The following CNTNAP2 variants were observed in gnomAD, a reference collection of about 807,000 sequenced individuals.
CNTNAP2 encodes the protein contactin-associated protein-like 2.
CNTNAP2 carries 98 observed loss-of-function variants against 155.2 expected under a neutral mutation model. That is an observed-to-expected ratio of 0.63 (90% CI 0.54 to 0.75). The LOEUF (loss-of-function observed/expected upper bound fraction) is 0.75. CNTNAP2 is among the 30% of genes least tolerant of loss of function. The pLI, the probability that CNTNAP2 is intolerant of heterozygous loss-of-function variation, is 0.00. For missense variants in CNTNAP2, 1,727 were observed against 1,688.1 expected (o/e 1.02, Z -0.40); for synonymous variants, 651 against 631.2 (o/e 1.03, Z -0.47).
chr7:147,950,585 A>C (rs1047724386), intron 14 of CNTNAP2, among the ~76,000 whole-genome samples: 6 of 152,170 alleles, frequency 3.9e-5, no homozygotes, highest in African/African-American at 1.4e-4. Flanking sequence ...TGGAAGCTGC[A>C]CAAACACAAA....
chr7:146,765,238 C>T (rs1048999921), intron 1 of CNTNAP2, among the ~76,000 whole-genome samples: 1 of 152,122 alleles, frequency 6.6e-6, no homozygotes, highest in Non-Finnish European at 1.5e-5. Context: ...GTTAGACAAA[C>T]CCTCTATATA....
At chr7:147,438,464 G>A (rs574322296) in intron 10 of CNTNAP2, among the ~76,000 whole-genome samples, 2 of 151,546 alleles carry the variant, frequency 1.3e-5, no homozygotes, top group South Asian at 4.2e-4. Flanking sequence ...ATCCCCCTTA[G>A]TCATGGTGAA....
intron 8 of CNTNAP2, among the ~76,000 whole-genome samples, chr7:147,144,207 T>A (rs1801654974): frequency 6.6e-6 from 1 of 152,162 alleles, no homozygotes; most frequent in African/African-American, 2.4e-5. Context: ...GTATTTTATT[T>A]GAAAACTCCA....
intron 9 of CNTNAP2, among the ~76,000 whole-genome samples, chr7:147,388,659 C>T (rs1476966515): frequency 6.6e-6 from 1 of 152,016 alleles, no homozygotes; most frequent in East Asian, 1.9e-4. Context: ...TGGCTCACTG[C>T]AACCTCCACC....
intron 15 of CNTNAP2, among the ~76,000 whole-genome samples, chr7:147,980,320 A>C (rs1015028291): frequency 1.3e-5 from 2 of 152,208 alleles, no homozygotes; most frequent in Non-Finnish European, 2.9e-5. Context: ...TTGCATTTCT[A>C]TTCTAGGGCT....
At chr7:146,129,321 T>C (rs1383381650) in intron 1 of CNTNAP2, among the ~76,000 whole-genome samples, 1 of 152,142 alleles carries the variant, frequency 6.6e-6, no homozygotes, top group Non-Finnish European at 1.5e-5. Flanking sequence ...AGGGCCTTTT[T>C]TTCAAAAAAA....
Position 147,567,566 on chromosome 7 carries a change from A to C in CNTNAP2, c.1897+5309A>C, listed in dbSNP as rs552713243. ...AGTGGCAATAAAGTAAAAGAGGAGG[A>C]GATTGATTTGATGGGTATTTAAGAA... is the stretch of plus-strand genomic sequence containing the variant. On this transcript the variant is annotated intron_variant, in intron 12 of 23. Coordinates refer to ENST00000361727, the MANE Select transcript of CNTNAP2 (RefSeq NM_014141.6). Among the ~76,000 whole-genome samples the C allele has an allele frequency of 3.9e-5, 6 of 152,204 alleles. No individual in the cohort carries two copies. In the East Asian group the frequency reaches 1.2e-3, roughly 29 times the overall value.
At chr7:147,713,439 A>G (rs1288678033) in intron 13 of CNTNAP2, among the ~76,000 whole-genome samples, 2 of 152,156 alleles carry the variant, frequency 1.3e-5, no homozygotes, top group Admixed American at 6.6e-5. Context: ...TTTACTTAGC[A>G]TAATGCATTT....
At chr7:146,278,017 C>T (rs531672403) in intron 1 of CNTNAP2, among the ~76,000 whole-genome samples, 2 of 152,108 alleles carry the variant, frequency 1.3e-5, no homozygotes, top group African/African-American at 4.8e-5. Context: ...GCTATGGGCA[C>T]GTGAGGGAGA....
At chr7:146,383,282 A>G (rs1795416279) in intron 1 of CNTNAP2, among the ~76,000 whole-genome samples, 1 of 152,154 alleles carries the variant, frequency 6.6e-6, no homozygotes, top group East Asian at 1.9e-4. Context: ...TTTCAATCCA[A>G]TTAATAAAAA....
At chr7:148,398,002 T>C (rs1297584887) in intron 22 of CNTNAP2, among the ~76,000 whole-genome samples, 2 of 152,226 alleles carry the variant, frequency 1.3e-5, no homozygotes, top group Non-Finnish European at 2.9e-5. Context: ...AGAAAATACA[T>C]TGTCTTGGGA....
chr7:147,148,939 A>T lies in CNTNAP2; in HGVS notation c.1348+16430A>T, dbSNP rs1352754839. On this transcript the variant is annotated intron_variant, in intron 8 of 23. Coordinates refer to ENST00000361727, the MANE Select transcript of CNTNAP2 (RefSeq NM_014141.6). ...TTGTGGTGGGTGTTACAGCTCATAA[A>T]GGTAGCACAGACACAAAGAGTGAGC... is the stretch of plus-strand genomic sequence containing the variant. 2.0e-5 allele frequency among the ~76,000 whole-genome samples: 3 copies of T among 152,232 alleles called. No individual in the cohort carries two copies. The East Asian group carries it at 5.8e-4, about 29-fold the overall frequency.
At chr7:146,486,858 T>C (rs1797066194) in intron 1 of CNTNAP2, among the ~76,000 whole-genome samples, 1 of 152,204 alleles carries the variant, frequency 6.6e-6, no homozygotes, top group Non-Finnish European at 1.5e-5. Context: ...CCCTAAGTAT[T>C]ACTCTTCTAT....
chr7:147,066,827 G>A (rs541388731), intron 4 of CNTNAP2, among the ~76,000 whole-genome samples: 1 of 152,292 alleles, frequency 6.6e-6, no homozygotes, highest in South Asian at 2.1e-4. Context: ...TAGATTGGGT[G>A]ATTGTAAACA....
At chr7:147,503,454 G>A (rs1012525137) in intron 11 of CNTNAP2, among the ~76,000 whole-genome samples, 1 of 151,968 alleles carries the variant, frequency 6.6e-6, no homozygotes, top group African/African-American at 2.4e-5. Flanking sequence ...AGCTTTTGCA[G>A]GACTCTCTAC....
intron 1 of CNTNAP2, among the ~76,000 whole-genome samples, chr7:146,301,095 G>A (rs1203188111): frequency 1.3e-5 from 2 of 152,036 alleles, no homozygotes; most frequent in African/African-American, 4.8e-5. Context: ...TTCCTTAAGA[G>A]ACCAGCAGAC....
intron 4 of CNTNAP2, chr7:147,080,985 TA>T (rs1250704418): frequency 2.6e-5 from 4 of 152,110 alleles, no homozygotes; most frequent in African/African-American, 9.7e-5. Flanking sequence ...AATATACACT[TA>T]AATTTTATTT....
At chr7:147,977,725 C>T (rs1197861850) in intron 14 of CNTNAP2, 137 bp from the exon 15 acceptor site, 5 of 1,231,202 alleles carry the variant, frequency 4.1e-6, no homozygotes, top group Non-Finnish European at 5.8e-6. Context: ...GAGAACAACT[C>T]TTTAACTGTG....
In CNTNAP2 at chr7:147,240,730, T is replaced by C. The variant is rs958958172; in HGVS notation, c.1349-59411T>C. 2.0e-5 allele frequency among the ~76,000 whole-genome samples: 3 copies of C among 152,188 alleles called. No homozygotes were observed. In the East Asian group the frequency reaches 5.8e-4, roughly 29 times the overall value. ...ATGTTTGGTTTGGCCAGCAGCAGAG[T>C]ACTGACATCATGTTTATTATCCCAA... On this transcript the variant is annotated intron_variant, in intron 8 of 23. Coordinates refer to ENST00000361727, the MANE Select transcript of CNTNAP2 (RefSeq NM_014141.6).
Sources: gnomAD v4.1 joint callset for allele counts (sites outside exome capture counted in the v4.1 genomes callset) on GRCh38, gnomAD v4.1.1 for gene constraint, MANE v1.5 for transcripts, NCBI Gene and HGNC (gene_info 2026-07-23, HGNC 2026-07-21) for gene names.